The following ROBO1 variants were observed in gnomAD, a reference collection of about 807,000 sequenced individuals.
ROBO1 encodes roundabout homolog 1.
A neutral mutation model predicts 195.9 loss-of-function variants in ROBO1; 149 were observed. That is an observed-to-expected ratio of 0.76 (90% CI 0.67 to 0.87). The LOEUF (loss-of-function observed/expected upper bound fraction) is 0.87. ROBO1 is among the 40% of genes least tolerant of loss of function. The pLI is 0.00. For missense variants in ROBO1, 1,933 were observed against 2,068.3 expected (o/e 0.93, Z 1.27); for synonymous variants, 816 against 733.2 (o/e 1.11, Z -1.82).
intron 2 of ROBO1, among the ~76,000 whole-genome samples, chr3:79,464,133 A>C (rs1421730180): frequency 1.3e-5 from 2 of 152,198 alleles, no homozygotes; most frequent in African/African-American, 2.4e-5. Context: ...TAATTGGCCC[A>C]AAAATACAGT....
intron 8 of ROBO1, among the ~76,000 whole-genome samples, chr3:78,705,055 A>G (rs1217818204): frequency 3.3e-5 from 5 of 152,192 alleles, no homozygotes; most frequent in Admixed American, 2.0e-4. Context: ...AGTTAATTCA[A>G]TTGTTCCACT....
chr3:79,096,453 G>A (rs532940846), intron 3 of ROBO1, among the ~76,000 whole-genome samples: 1 of 151,916 alleles, frequency 6.6e-6, no homozygotes, highest in Non-Finnish European at 1.5e-5. Flanking sequence ...CATTTCAACT[G>A]TGCTCCCCTT....
intron 8 of ROBO1, among the ~76,000 whole-genome samples, chr3:78,702,022 A>G (rs910422688): frequency 1.3e-5 from 2 of 152,254 alleles, no homozygotes; most frequent in Admixed American, 6.5e-5. Flanking sequence ...TATACTACAC[A>G]GTGTGAACTT....
At chr3:78,901,808 C>G (rs1003555714) in intron 4 of ROBO1, among the ~76,000 whole-genome samples, 2 of 152,144 alleles carry the variant, frequency 1.3e-5, no homozygotes, top group Non-Finnish European at 2.9e-5. Context: ...ATACTAATAA[C>G]TTTTGTGATT....
At chr3:78,634,173 C>G in intron 23 of ROBO1, 131 bp from the exon 24 acceptor site, 1 of 533,844 alleles carries the variant, frequency 1.9e-6, no homozygotes, top group Non-Finnish European at 3.3e-6. Flanking sequence ...TTTTTCTCTT[C>G]TATTGTTGTA....
intron 3 of ROBO1, among the ~76,000 whole-genome samples, chr3:78,956,128 C>T (rs2041035649): frequency 1.3e-5 from 2 of 152,042 alleles, no homozygotes; most frequent in African/African-American, 4.8e-5. Flanking sequence ...ATCATAAATA[C>T]TTAAATAGTA....
chr3:79,477,938 A>G (rs1476067982), intron 2 of ROBO1, among the ~76,000 whole-genome samples: 1 of 152,192 alleles, frequency 6.6e-6, no homozygotes, highest in African/African-American at 2.4e-5. Context: ...CAATCAATCT[A>G]TATTAAATTA....
intron 1 of ROBO1, among the ~76,000 whole-genome samples, chr3:79,760,129 C>T (rs990567891): frequency 1.3e-4 from 19 of 148,544 alleles, no homozygotes; most frequent in Non-Finnish European, 2.5e-4. Flanking sequence ...CCCAGTTACT[C>T]GGGAGGCTGA....
chr3:78,716,807 T>C (rs2081914114), intron 7 of ROBO1, among the ~76,000 whole-genome samples: 1 of 152,136 alleles, frequency 6.6e-6, no homozygotes, highest in South Asian at 2.1e-4. Context: ...TTCGTGCATC[T>C]CTGCTCCTGG....
chr3:79,061,037 G>C (rs572005027), intron 3 of ROBO1, among the ~76,000 whole-genome samples: 2 of 151,888 alleles, frequency 1.3e-5, no homozygotes, highest in African/African-American at 4.8e-5. Flanking sequence ...AGGGTATTTG[G>C]TTAGGAAAAG....
At chr3:79,422,996 A>C (rs2106949265) in intron 2 of ROBO1, among the ~76,000 whole-genome samples, 1 of 151,490 alleles carries the variant, frequency 6.6e-6, no homozygotes, top group South Asian at 2.1e-4. Flanking sequence ...TATAGAAAAA[A>C]CCACCTGGTT....
intron 5 of ROBO1, among the ~76,000 whole-genome samples, chr3:78,738,928 T>C (rs563696402): frequency 2.7e-4 from 41 of 152,252 alleles, no homozygotes; most frequent in African/African-American, 9.1e-4. Context: ...ACAAATTCTT[T>C]CCCCATCATC....
intron 4 of ROBO1, among the ~76,000 whole-genome samples, chr3:78,774,380 GGCTCACC>G (rs1157674344): frequency 6.6e-6 from 1 of 151,368 alleles, no homozygotes; most frequent in African/African-American, 2.4e-5. Flanking sequence ...GCCGGATCTC[GGCTCACC>G]GCAAGCTACG....
chr3:79,733,768 TTTGGG>T (rs1287798313), intron 1 of ROBO1, among the ~76,000 whole-genome samples: 1 of 152,162 alleles, frequency 6.6e-6, no homozygotes, highest in East Asian at 1.9e-4. Flanking sequence ...ATCACACTGC[TTTGGG>T]TTGTCTGTTA....
At chr3:78,809,435 T>C (rs1173246976) in intron 4 of ROBO1, among the ~76,000 whole-genome samples, 1 of 152,220 alleles carries the variant, frequency 6.6e-6, no homozygotes, top group Non-Finnish European at 1.5e-5. Flanking sequence ...GGTGTGGCGA[T>C]TCCTCAAGGA....
chr3:79,405,290 G>A (rs1575780346), intron 2 of ROBO1, among the ~76,000 whole-genome samples: 1 of 152,146 alleles, frequency 6.6e-6, no homozygotes, highest in Non-Finnish European at 1.5e-5. Context: ...CCTGAGATCA[G>A]TACCCCGACT....
intron 2 of ROBO1, among the ~76,000 whole-genome samples, chr3:79,388,179 T>C (rs2036824201): frequency 6.6e-6 from 1 of 152,194 alleles, no homozygotes; most frequent in African/African-American, 2.4e-5. Context: ...GTACCCTTCT[T>C]TCTTACGCTA....
At chr3:78,999,252 C>T (rs1576539885) in intron 3 of ROBO1, among the ~76,000 whole-genome samples, 1 of 152,132 alleles carries the variant, frequency 6.6e-6, no homozygotes, top group East Asian at 1.9e-4. Flanking sequence ...AAGATAAATA[C>T]ACTTGCATGT....
intron 3 of ROBO1, among the ~76,000 whole-genome samples, chr3:79,002,967 G>A (rs1174634507): frequency 6.6e-6 from 1 of 151,904 alleles, no homozygotes; most frequent in Admixed American, 6.6e-5. Flanking sequence ...TGAAAACCTC[G>A]ATTCCCCAAT....
Sources: allele counts gnomAD v4.1 joint callset (sites outside exome capture counted in the v4.1 genomes callset), GRCh38; gene constraint gnomAD v4.1.1; transcripts MANE v1.5; gene names NCBI Gene and HGNC (gene_info 2026-07-23, HGNC 2026-07-21).